ADAM9: variants seen among roughly 807,000 people sequenced by gnomAD.
ADAM9 encodes disintegrin and metalloproteinase domain-containing protein 9.
In ADAM9, 54 loss-of-function variants were observed where a neutral mutation model predicts 108.1. The observed-to-expected ratio is 0.50, with a 90% CI of 0.40 to 0.63. The LOEUF is 0.63. Ranked by LOEUF, ADAM9 falls within the 20% of genes least tolerant of loss-of-function variation. The pLI, the probability that ADAM9 is intolerant of heterozygous loss-of-function variation, is 0.00. For synonymous variants in ADAM9, 316 were observed against 336.0 expected (o/e 0.94, Z 0.65); for missense variants, 830 against 997.7 (o/e 0.83, Z 2.26).
chr8:39,044,884 GTA>G lies in ADAM9; in HGVS notation c.1302+2775_1302+2776del, dbSNP rs199768809. Among the ~76,000 whole-genome samples the G allele has an allele frequency of 8.9e-5, 12 of 135,194 alleles. 1 individual carries two copies. The highest frequency in any genetic ancestry group is 6.6e-3 in the Middle Eastern group (2 of 302). The allele number at this position is 135,194 out of a possible 152,430, so 88.7% of individuals were successfully genotyped here. A position where few individuals can be genotyped will look rare whatever the true frequency, so the allele number is the denominator to read the frequency against. On this transcript the variant is annotated intron_variant, in intron 12 of 21. Transcript: ENST00000487273. ...TGTGTGTGTATACATACATATATAT[GTA>G]TATATATGTGTGTGCACACATACAT...
rs544739516 is a variant in ADAM9 at position 39,104,023 on chromosome 8, G to T, written c.*323G>T. 9 of 520,378 alleles carry T rather than the reference G, an allele frequency of 1.7e-5. No homozygotes were observed. The highest frequency in any genetic ancestry group is 1.0e-4 in the East Asian group (2 of 19,680). 32.2% of individuals were successfully genotyped at this position (520,378 alleles called of 1,614,324 possible). A position where few individuals can be genotyped will look rare whatever the true frequency, so the allele number is the denominator to read the frequency against. On this transcript the variant is annotated 3_prime_UTR_variant, in exon 22 of 22. Transcript: ENST00000487273. ...AGTGATTCTCAAATTAACTGTATTG[G>T]TGTAAGAGTTTTGTCATTAAGTGTT...
chr8:39,027,893 AC>A (rs1483340681), intron 11 of ADAM9, among the ~76,000 whole-genome samples: 9 of 151,896 alleles, frequency 5.9e-5, no homozygotes, highest in Admixed American at 2.6e-4. Flanking sequence ...ACACGGTGAG[AC>A]CCTGTCTCTA....
intron 14 of ADAM9, among the ~76,000 whole-genome samples, chr8:39,057,362 TAATATATTA>T (rs1450789165): frequency 1.3e-5 from 2 of 148,572 alleles, no homozygotes; most frequent in Non-Finnish European, 3.0e-5. Flanking sequence ...AATTTACATA[TAATATATTA>T]AATATATAAT....
chr8:39,011,858 G>T, intron 3 of ADAM9, 142 bp downstream of exon 3: 1 of 771,546 alleles, frequency 1.3e-6, no homozygotes, highest in Non-Finnish European at 2.2e-6. Context: ...CTGCACAGTG[G>T]CAGCTGGCTG....
intron 14 of ADAM9, among the ~76,000 whole-genome samples, chr8:39,064,206 AT>A (rs1361067169): frequency 6.6e-6 from 1 of 152,190 alleles, no homozygotes; most frequent in Non-Finnish European, 1.5e-5. Flanking sequence ...CAATTACCAT[AT>A]CATGCCGTGA....
At chr8:39,022,095 TGTGA>T (rs1243745482) in intron 8 of ADAM9, among the ~76,000 whole-genome samples, 13 of 144,628 alleles carry the variant, frequency 9.0e-5, no homozygotes, top group East Asian at 5.8e-4. Context: ...TGTGTGTGTG[TGTGA>T]GAGAGAGAGA....
intron 16 of ADAM9, among the ~76,000 whole-genome samples, chr8:39,078,426 A>G (rs1296681391): frequency 7.2e-6 from 1 of 139,848 alleles, no homozygotes; most frequent in Non-Finnish European, 1.5e-5. Context: ...ACATGCTCTT[A>G]TCTAATCTGC....
chr8:39,099,822 A>C lies in ADAM9; in HGVS notation c.2299-2041A>C, dbSNP rs556990007. Among the ~76,000 whole-genome samples the C allele has an allele frequency of 4.7e-5, 7 of 150,186 alleles. No individual in the cohort carries two copies. The East Asian group carries it at 1.4e-3, about 29-fold the overall frequency. On this transcript the variant is annotated intron_variant, in intron 20 of 21. Transcript: ENST00000487273. Reference sequence around the variant, plus strand: ...TGTAATCTTTAGCTTGTTTTCATTAATTTATATTTAATTGACAAATAATAA... The same window carrying C: ...TGTAATCTTTAGCTTGTTTTCATTACTTTATATTTAATTGACAAATAATAA...
chr8:39,022,440 T>C (rs1836778011), intron 8 of ADAM9, among the ~76,000 whole-genome samples: 1 of 152,196 alleles, frequency 6.6e-6, no homozygotes, highest in Admixed American at 6.5e-5. Context: ...CTCTGTATTA[T>C]ATAACACCTT....
At chr8:39,079,973 AT>A (rs1169403919) in intron 16 of ADAM9, among the ~76,000 whole-genome samples, 2 of 152,228 alleles carry the variant, frequency 1.3e-5, no homozygotes, top group African/African-American at 4.8e-5. Context: ...TCAGTATAAT[AT>A]GAATATCTGG....
At chr8:39,063,626 G>T (rs1456147076) in intron 14 of ADAM9, among the ~76,000 whole-genome samples, 1 of 152,204 alleles carries the variant, frequency 6.6e-6, no homozygotes, top group African/African-American at 2.4e-5. Context: ...GGAGGCTGAG[G>T]CAGGAGAATC....
At chr8:39,020,999 A>T (rs1431833750) in intron 7 of ADAM9, among the ~76,000 whole-genome samples, 1 of 152,236 alleles carries the variant, frequency 6.6e-6, no homozygotes, top group African/African-American at 2.4e-5. Flanking sequence ...TTGATTGCTT[A>T]AAACTCTACC....
intron 14 of ADAM9, among the ~76,000 whole-genome samples, chr8:39,069,428 A>G (rs1838604713): frequency 6.6e-6 from 1 of 152,226 alleles, no homozygotes; most frequent in Admixed American, 6.5e-5. Flanking sequence ...AGGATTTAAA[A>G]GTCCTTCACT....
At chr8:39,011,556 A>C in intron 2 of ADAM9, 102 bp from the exon 3 acceptor site, 1 of 1,096,732 alleles carries the variant, frequency 9.1e-7, no homozygotes, top group Non-Finnish European at 1.4e-6. Context: ...ATACCAAATT[A>C]TTTTAATTCA....
intron 3 of ADAM9, 37 bp from the exon 4 acceptor site, chr8:39,013,928 T>C (rs776015736): frequency 1.8e-5 from 27 of 1,502,712 alleles, no homozygotes; most frequent in East Asian, 9.0e-5. Flanking sequence ...TGTAGATAGA[T>C]AACATATATA....
chr8:39,089,388 A>G (rs909328872), intron 18 of ADAM9, among the ~76,000 whole-genome samples: 1 of 152,240 alleles, frequency 6.6e-6, no homozygotes, highest in Non-Finnish European at 1.5e-5. Context: ...GGGAATTCTT[A>G]TATATTGCTT....
intron 18 of ADAM9, among the ~76,000 whole-genome samples, chr8:39,088,212 G>C (rs1220841054): frequency 6.6e-6 from 1 of 150,920 alleles, no homozygotes; most frequent in Non-Finnish European, 1.5e-5. Context: ...TTGTTCCAGG[G>C]CCAACTGTAT....
At chr8:38,999,217 C>G (rs145609761) in intron 1 of ADAM9, among the ~76,000 whole-genome samples, 1 of 151,968 alleles carries the variant, frequency 6.6e-6, no homozygotes, top group South Asian at 2.1e-4. Flanking sequence ...ACCAGGCACA[C>G]GTCAGTTACA....
At position 38,997,106 on chromosome 8, in the gene ADAM9, C is replaced by G. The variant is rs542789587; in HGVS notation, c.43C>G (p.Arg15Gly). 2 of 1,606,078 alleles carry G rather than the reference C, an allele frequency of 1.2e-6. No homozygotes were observed. Among genetic ancestry groups the G allele is most frequent in the Admixed American group, 1.7e-5 (1 of 59,984 alleles). The change falls in exon 1 of 22, where the codon CGG becomes GGG. Residue 15 changes from arginine (R) to glycine (G), a missense_variant. By Grantham distance (125) the Arg-to-Gly change is moderately radical (BLOSUM62 -2). Around this residue, in one of 3 missense-constraint regions of ADAM9, gnomAD observed 211 missense variants for 222.2 expected, o/e 0.95. Coordinates refer to ENST00000487273, the MANE Select transcript of ADAM9 (RefSeq NM_003816.3). ...ARFPSGTLRV[R>G]WLLLLGLVGP... Reference sequence around the variant, plus strand: ...CTTTCCCTCGGGGACCCTTCGTGTCCGGTGGTTGCTGTTGCTTGGCCTGGT... The same window carrying G: ...CTTTCCCTCGGGGACCCTTCGTGTCGGGTGGTTGCTGTTGCTTGGCCTGGT...
Sources: allele counts gnomAD v4.1 joint callset (sites outside exome capture counted in the v4.1 genomes callset), GRCh38; gene constraint gnomAD v4.1.1; regional missense constraint gnomAD v4.1.1; transcripts MANE v1.5; gene names NCBI Gene and HGNC (gene_info 2026-07-23, HGNC 2026-07-21).